The following ZXDC variants were observed in gnomAD, a reference collection of about 807,000 sequenced individuals.
ZXDC encodes the protein zinc finger protein ZXDC.
A neutral mutation model predicts 63.6 loss-of-function variants in ZXDC; 58 were observed. The observed-to-expected ratio is 0.91, with a 90% CI of 0.74 to 1.13. ZXDC has a LOEUF of 1.13. ZXDC is among the 50% of genes most tolerant of loss of function. The pLI is 0.00. For synonymous variants in ZXDC, 561 were observed against 496.1 expected, an observed-to-expected ratio of 1.13 and a Z score of -1.74; for missense variants, 1,133 against 1,148.9, an observed-to-expected ratio of 0.99 and a Z score of 0.20.
intron 5 of ZXDC, among the ~76,000 whole-genome samples, chr3:126,464,756 A>C (rs995202596): frequency 6.6e-6 from 1 of 152,158 alleles, no homozygotes; most frequent in East Asian, 1.9e-4. Flanking sequence ...CCTCAGAGAA[A>C]AGGGGCCTGG....
chr3:126,458,683 A>T (rs1440792291), intron 7 of ZXDC: 2 of 985,320 alleles, frequency 2.0e-6, no homozygotes, highest in Non-Finnish European at 2.4e-6. Flanking sequence ...TTTTTTCTTC[A>T]AGATTATCTA....
intron 7 of ZXDC, chr3:126,457,140 AG>A (rs1475002355): frequency 1.3e-5 from 6 of 453,748 alleles, no homozygotes; most frequent in African/African-American, 1.3e-4. Flanking sequence ...GGAACAGGGA[AG>A]GGCACTGGGG....
At chr3:126,451,468 T>C in intron 7 of ZXDC, 2 of 985,400 alleles carry the variant, frequency 2.0e-6, no homozygotes, top group Non-Finnish European at 2.4e-6. Context: ...ATTCAAAAAA[T>C]GTAATTGTAA....
chr3:126,451,904 G>A (rs1344261189), intron 7 of ZXDC: 1 of 985,396 alleles, frequency 1.0e-6, no homozygotes. Context: ...TGTGAGGCGT[G>A]AACAGAGTTA....
intron 7 of ZXDC, among the ~76,000 whole-genome samples, chr3:126,448,160 T>C (rs1933952971): frequency 6.6e-6 from 1 of 152,238 alleles, no homozygotes; most frequent in African/African-American, 2.4e-5. Context: ...ACACCGTATG[T>C]CTTCAATAGT....
At chr3:126,444,346 C>A (rs780698417) in intron 7 of ZXDC, among the ~76,000 whole-genome samples, 1 of 152,296 alleles carries the variant, frequency 6.6e-6, no homozygotes, top group Middle Eastern at 3.4e-3. Flanking sequence ...TCCTGGCTAA[C>A]ACGGTGAAAC....
intron 8 of ZXDC, 21 bp from the exon 9 acceptor site, chr3:126,439,748 G>C: frequency 6.5e-7 from 1 of 1,547,268 alleles, no homozygotes; most frequent in Non-Finnish European, 8.7e-7. Context: ...AACACAGAAA[G>C]GCCTGTCACA....
Position 126,458,178 on chromosome 3 carries a change from C to T in ZXDC, c.2212+1475G>A, listed in dbSNP as rs568782257. Among the ~76,000 whole-genome samples the T allele has an allele frequency of 9.9e-5, 15 of 151,084 alleles. 1 individual carries two copies. The highest frequency in any genetic ancestry group is 2.9e-4 in the African/African-American group (12 of 41,206). ...GCTAGATACTGACATTAAGAAAATA[C>T]TGTTAATTTTTAAAGAAGTGGCAAC... On this transcript the variant is annotated intron_variant, in intron 7 of 9. Coordinates refer to ENST00000389709, the MANE Select transcript of ZXDC (RefSeq NM_025112.5).
chr3:126,453,771 T>G, intron 7 of ZXDC: 1 of 976,200 alleles, frequency 1.0e-6, no homozygotes, highest in Non-Finnish European at 1.2e-6. Flanking sequence ...CTTGGCTCAC[T>G]GCAACCTCTG....
intron 7 of ZXDC, among the ~76,000 whole-genome samples, chr3:126,444,305 G>A (rs980699480): frequency 6.6e-6 from 1 of 152,208 alleles, no homozygotes; most frequent in Non-Finnish European, 1.5e-5. Flanking sequence ...GGCCAAGGCG[G>A]GCAGATTACA....
rs1256008424 is a variant in ZXDC, at chr3:126,465,590, C to G, written c.1441+565G>C. Among the ~76,000 whole-genome samples, 44 of 152,206 alleles carry G rather than the reference C, an allele frequency of 2.9e-4. 1 individual carries two copies. Among genetic ancestry groups the G allele is most frequent in the Admixed American group, 2.9e-3 (44 of 15,286 alleles). ...AGGACAAAAGTCCCAGTGAGAGACA[C>G]AGGCTTAGGGGACATATGCTAGGGA... is the stretch of plus-strand genomic sequence containing the variant. On this transcript the variant is annotated intron_variant, in intron 5 of 9. Coordinates refer to ENST00000389709, the MANE Select transcript of ZXDC (RefSeq NM_025112.5).
intron 7 of ZXDC, among the ~76,000 whole-genome samples, chr3:126,445,957 A>G (rs1933868691): frequency 6.6e-6 from 1 of 152,188 alleles, no homozygotes; most frequent in African/African-American, 2.4e-5. Context: ...CAAAGCAAAC[A>G]AATGGGGTCC....
At chr3:126,440,780 C>T in intron 8 of ZXDC, 1 of 986,422 alleles carries the variant, frequency 1.0e-6, no homozygotes, top group East Asian at 1.1e-4. Context: ...CCCCCAGCTG[C>T]CCGCAGCCTC....
intron 6 of ZXDC, chr3:126,460,029 A>G (rs972691586): frequency 4.1e-6 from 4 of 985,314 alleles, no homozygotes; most frequent in Non-Finnish European, 4.8e-6. Context: ...AATCAATTAC[A>G]TACTTCTCTG....
At chr3:126,446,321 G>A (rs1933880190) in intron 7 of ZXDC, among the ~76,000 whole-genome samples, 1 of 152,146 alleles carries the variant, frequency 6.6e-6, no homozygotes, top group Non-Finnish European at 1.5e-5. Context: ...GTGGTCAAGG[G>A]CCCCGGCTTG....
rs752081213 is a variant in ZXDC, at chr3:126,461,667, C to G, written c.1995G>C (p.Ser665=). Residue 665 remains serine (S), a synonymous_variant, in exon 6 of 10, where the codon TCG becomes TCC. Coordinates refer to ENST00000389709, the MANE Select transcript of ZXDC (RefSeq NM_025112.5). Reference sequence around the variant, plus strand: ...GCCCAACTGCTCCTGGGCGAGAAGGCGAGTCCGGCTCCACCTTGATTGGAG... The same window carrying G: ...GCCCAACTGCTCCTGGGCGAGAAGGGGAGTCCGGCTCCACCTTGATTGGAG... ...LLAPIKVEPD[S]PSRPGAVGQQ... is the part of the protein sequence containing the mutation. The G allele has an allele frequency of 6.2e-7, 1 of 1,613,354 alleles. No homozygotes were observed. Among genetic ancestry groups the G allele is most frequent in the South Asian group, 1.1e-5 (1 of 91,044 alleles).
intron 7 of ZXDC, chr3:126,443,453 T>G (rs1933758045): frequency 6.6e-6 from 1 of 152,252 alleles, no homozygotes; most frequent in Admixed American, 6.5e-5. Context: ...CTATTAAGTC[T>G]GCAATAACAT....
intron 7 of ZXDC, 118 bp from the exon 8 acceptor site, chr3:126,442,064 TAA>T: frequency 1.7e-6 from 2 of 1,201,172 alleles, no homozygotes. Flanking sequence ...TCTGCACAGC[TAA>T]GAGACGTAAA....
chr3:126,453,603 A>G (rs1439651635), intron 7 of ZXDC: 1 of 985,382 alleles, frequency 1.0e-6, no homozygotes, highest in Non-Finnish European at 1.2e-6. Flanking sequence ...CAAAGGAGAA[A>G]GCTGAACGTG....
Sources: gnomAD v4.1 joint callset for allele counts (sites outside exome capture counted in the v4.1 genomes callset) on GRCh38, gnomAD v4.1.1 for gene constraint, MANE v1.5 for transcripts, NCBI Gene and HGNC (gene_info 2026-07-23, HGNC 2026-07-21) for gene names.